BCL2L14: variants seen among roughly 807,000 people sequenced by gnomAD.
The protein encoded by BCL2L14 is apoptosis facilitator Bcl-2-like protein 14.
BCL2L14 carries 27 observed loss-of-function variants against 35.3 expected under a neutral mutation model. The ratio of observed to expected loss-of-function variants is 0.76; its 90% CI spans 0.56 to 1.05. The LOEUF (loss-of-function observed/expected upper bound fraction) is 1.05. Ranked by LOEUF, BCL2L14 falls within the 50% of genes least tolerant of loss-of-function variation. The pLI is 0.00. For synonymous variants in BCL2L14, 139 were observed against 145.9 expected, an observed-to-expected ratio of 0.95 and a Z score of 0.34; for missense variants, 377 against 382.6, an observed-to-expected ratio of 0.99 and a Z score of 0.12.
intron 3 of BCL2L14, among the ~76,000 whole-genome samples, chr12:12,090,299 G>A (rs914633892): frequency 3.9e-4 from 60 of 152,138 alleles, no homozygotes; most frequent in African/African-American, 1.4e-3. Flanking sequence ...TTTGTGTCTG[G>A]GCAGAAGAGG....
At chr12:12,074,983 T>C (rs1309088308) in intron 1 of BCL2L14, among the ~76,000 whole-genome samples, 3 of 10,558 alleles carry the variant, frequency 2.8e-4, no homozygotes, top group Non-Finnish European at 5.1e-4. Context: ...AAACATACAC[T>C]GTACTGTGTT....
intron 2 of BCL2L14, among the ~76,000 whole-genome samples, 200 bp downstream of exon 2, chr12:12,079,938 C>T (rs375822657): frequency 1.6e-4 from 24 of 152,368 alleles, no homozygotes; most frequent in South Asian, 4.1e-4. Context: ...GGCGCGGTGG[C>T]TCACGCCTGT....
intron 2 of BCL2L14, 35 bp from the exon 3 acceptor site, chr12:12,087,178 G>C (rs765410693): frequency 6.2e-7 from 1 of 1,606,604 alleles, no homozygotes; most frequent in East Asian, 2.2e-5. Context: ...GAAGTTCTGG[G>C]AAGGGCCTCT....
chr12:12,097,808 T>C (rs1297791919), intron 5 of BCL2L14, among the ~76,000 whole-genome samples: 2 of 150,606 alleles, frequency 1.3e-5, no homozygotes, highest in Non-Finnish European at 3.0e-5. Flanking sequence ...CAGTTCCAAT[T>C]AGAAAAAAAA....
At chr12:12,078,797 C>CTT in intron 1 of BCL2L14, among the ~76,000 whole-genome samples, 2 of 148,230 alleles carry the variant, frequency 1.3e-5, no homozygotes, top group Middle Eastern at 6.9e-3. Flanking sequence ...CATTCTCTCT[C>CTT]TGTTGTTTTT....
At chr12:12,070,785 C>T (rs948102578), upstream of BCL2L14, 1 of 152,074 alleles carries the variant, frequency 6.6e-6, no homozygotes, top group African/African-American at 2.4e-5. Flanking sequence ...AGTATCAGAA[C>T]ACCCACCTAG....
chr12:12,087,482 C>T (rs1591830747), intron 3 of BCL2L14, 96 bp downstream of exon 3: 2 of 1,359,654 alleles, frequency 1.5e-6, no homozygotes, highest in East Asian at 4.6e-5. Context: ...TTGACAGTCT[C>T]CGCTGCCTGG....
chr12:12,068,738 C>T (rs1003628584), upstream of BCL2L14, among the ~76,000 whole-genome samples: 1 of 151,784 alleles, frequency 6.6e-6, no homozygotes, highest in Admixed American at 6.6e-5. Context: ...TCTGGGAGGC[C>T]ACATGGGTTC....
intron 4 of BCL2L14, among the ~76,000 whole-genome samples, chr12:12,093,158 C>T (rs964501528): frequency 6.6e-6 from 1 of 151,952 alleles, no homozygotes; most frequent in Non-Finnish European, 1.5e-5. Flanking sequence ...AAGGGAAGGC[C>T]GGGAGGTAAA....
At chr12:12,079,245 C>A in intron 1 of BCL2L14, 54 bp from the exon 2 acceptor site, 1 of 1,460,804 alleles carries the variant, frequency 6.8e-7, no homozygotes, top group Non-Finnish European at 9.4e-7. Flanking sequence ...TCCTAACCTG[C>A]AAAGGGTAAG....
chr12:12,083,630 A>C (rs1948976197), intron 2 of BCL2L14, among the ~76,000 whole-genome samples: 1 of 152,156 alleles, frequency 6.6e-6, no homozygotes. Context: ...ATGATATGAC[A>C]GCTCCACAAA....
intron 4 of BCL2L14, 50 bp downstream of exon 4, chr12:12,090,899 G>C (rs780010638): frequency 7.0e-7 from 1 of 1,418,726 alleles, no homozygotes; most frequent in Admixed American, 1.9e-5. Flanking sequence ...CCATGCACTA[G>C]TACACGAGAA....
chr12:12,090,773 C>T lies in BCL2L14; in HGVS notation c.608-6C>T, dbSNP rs200964789. On this transcript the variant is annotated splice_polypyrimidine_tract_variant and splice_region_variant and intron_variant, in intron 3 of 5. Coordinates refer to ENST00000308721, the MANE Select transcript of BCL2L14 (RefSeq NM_138723.2). ...TAAAAGAAATAACTGGAATTTTCCC[C>T]GACAGATGAAGAAGAACAAATACTA... 101 of 1,607,026 alleles carry T rather than the reference C, an allele frequency of 6.3e-5. No homozygotes were observed. In the African/African-American group the frequency reaches 8.4e-4, roughly 13 times the overall value.
Position 12,083,311 on chromosome 12 carries a change from C to T in BCL2L14, c.433+3573C>T, listed in dbSNP as rs189618400. Reference sequence around the variant, plus strand: ...AAGTCACTATGTAGCCTTGTACAGCCACTGCCAGGCCTCAGTACCGGGCTT... The same window carrying T: ...AAGTCACTATGTAGCCTTGTACAGCTACTGCCAGGCCTCAGTACCGGGCTT... On this transcript the variant is annotated intron_variant, in intron 2 of 5. Coordinates refer to ENST00000308721, the MANE Select transcript of BCL2L14 (RefSeq NM_138723.2). Among the ~76,000 whole-genome samples the T allele has an allele frequency of 1.9e-3, 282 of 152,228 alleles. 1 individual carries two copies. The highest frequency in any genetic ancestry group is 6.6e-3 in the African/African-American group (276 of 41,544).
chr12:12,075,033 A>ATACT (rs1225856907), intron 1 of BCL2L14, among the ~76,000 whole-genome samples: 1 of 152,120 alleles, frequency 6.6e-6, no homozygotes, highest in African/African-American at 2.4e-5. Context: ...ATCTTTATAC[A>ATACT]GTATGTTTGA....
At position 12,079,545 on chromosome 12, in the gene BCL2L14, T is replaced by C. The variant is rs1948863825; in HGVS notation, c.240T>C (p.Ser80=). The C allele has an allele frequency of 6.2e-7, 1 of 1,614,160 alleles. No individual in the cohort carries two copies. The highest frequency in any genetic ancestry group is 8.5e-7 in the Non-Finnish European group (1 of 1,180,000). Residue 80 remains serine (S), a synonymous_variant, in exon 2 of 6, where the codon AGT becomes AGC. Transcript: ENST00000308721. Reference sequence around the variant, plus strand: ...GGCCTTGCAGAAATTCCCAATCCAGTGAGAAGGCCATAAACCTTGGCAAGA... The same window carrying C: ...GGCCTTGCAGAAATTCCCAATCCAGCGAGAAGGCCATAAACCTTGGCAAGA... ...VSWPCRNSQS[S]EKAINLGKKK...
chr12:12,051,468 T>C (rs1948356937), intron 1 of BCL2L14, among the ~76,000 whole-genome samples: 1 of 152,092 alleles, frequency 6.6e-6, no homozygotes, highest in African/African-American at 2.4e-5. Flanking sequence ...TTGAATACCT[T>C]AACTCGCCTC....
intron 2 of BCL2L14, among the ~76,000 whole-genome samples, chr12:12,083,939 A>G (rs1252300176): frequency 6.6e-6 from 1 of 152,086 alleles, no homozygotes; most frequent in Non-Finnish European, 1.5e-5. Context: ...CGGGGTGAAA[A>G]AAAGAATTCC....
intron 2 of BCL2L14, among the ~76,000 whole-genome samples, chr12:12,058,597 C>T (rs1043786723): frequency 6.6e-6 from 1 of 151,982 alleles, no homozygotes. Context: ...CCTTGTGACC[C>T]CCACTCCTGC....
Sources: allele counts gnomAD v4.1 joint callset (sites outside exome capture counted in the v4.1 genomes callset), GRCh38; gene constraint gnomAD v4.1.1; transcripts MANE v1.5; gene names NCBI Gene and HGNC (gene_info 2026-07-23, HGNC 2026-07-21).